Variants in MCF2L observed in about 807,000 individuals in gnomAD.
The protein encoded by MCF2L is guanine nucleotide exchange factor DBS.
In MCF2L, 97 loss-of-function variants were observed where a neutral mutation model predicts 153.4. That is an observed-to-expected ratio of 0.63 (90% CI 0.54 to 0.75). The LOEUF (loss-of-function observed/expected upper bound fraction) is 0.75. Among genes scored for constraint, MCF2L ranks in the 30% least tolerant of loss-of-function variants. MCF2L has a pLI of 0.00. For missense variants in MCF2L, 1,347 were observed against 1,495.2 expected, an observed-to-expected ratio of 0.90 and a Z score of 1.64; for synonymous variants, 659 against 632.2, an observed-to-expected ratio of 1.04 and a Z score of -0.64.
rs2033273891 is a variant in MCF2L, at chr13:113,074,699, G to C, written c.1116+136G>C. The C allele has an allele frequency of 7.5e-7, 1 of 1,339,610 alleles. No individual in the cohort carries two copies. Among genetic ancestry groups the C allele is most frequent in the East Asian group, 2.5e-5 (1 of 39,814 alleles). 83.0% of individuals were successfully genotyped at this position (1,339,610 alleles called of 1,614,324 possible). A position where few individuals can be genotyped will look rare whatever the true frequency, so the allele number is the denominator to read the frequency against. On this transcript the variant is annotated intron_variant, in intron 10 of 29. Transcript: ENST00000535094. This position sits in a 1 kb window ranked among gnomAD's most constrained non-coding sequence, Gnocchi z 4.2. ...CCCCCCGGGGATGTCCATGGGGTGG[G>C]GGGTGCTGCTGCCTGTACCCCTCCC...
chr13:113,097,102 G>T lies in MCF2L; in HGVS notation c.*243G>T. ...GGGCCGCAGGGAACAGCCCCGGGCGGCAGGCGCCGGGCAGCGGCATCTCGT... is the reference window on the plus strand; with the variant it reads ...GGGCCGCAGGGAACAGCCCCGGGCGTCAGGCGCCGGGCAGCGGCATCTCGT... On this transcript the variant is annotated 3_prime_UTR_variant, in exon 30 of 30. Coordinates refer to ENST00000535094, the MANE Select transcript of MCF2L (RefSeq NM_001112732.3). 5.8e-6 allele frequency: 2 copies of T among 344,428 alleles called. No individual in the cohort carries two copies. The highest frequency in any genetic ancestry group is 1.0e-5 in the Non-Finnish European group (2 of 191,724). 21.3% of individuals were successfully genotyped at this position (344,428 alleles called of 1,614,324 possible).
chr13:113,090,855 C>T, intron 26 of MCF2L: 1 of 1,149,846 alleles, frequency 8.7e-7, no homozygotes, highest in Non-Finnish European at 1.1e-6. Context: ...TAGCGCAGAA[C>T]TAAGAAAACG....
At chr13:113,034,870 G>A (rs2086050801) in intron 3 of MCF2L, among the ~76,000 whole-genome samples, 1 of 146,706 alleles carries the variant, frequency 6.8e-6, no homozygotes, top group Non-Finnish European at 1.5e-5. Flanking sequence ...GATCGGAGGT[G>A]AGGAAGGTCT....
chr13:112,912,244 G>T (rs993156428), intron 2 of MCF2L, among the ~76,000 whole-genome samples: 1 of 152,200 alleles, frequency 6.6e-6, no homozygotes, highest in African/African-American at 2.4e-5. Flanking sequence ...CATCTCAGGA[G>T]TGGGTAATGT....
At chr13:113,057,610 AGTGCTGTGTGTTTGG>A (rs2030343117) in intron 4 of MCF2L, among the ~76,000 whole-genome samples, 1 of 66,024 alleles carries the variant, frequency 1.5e-5, no homozygotes. Context: ...TGTGTGTTTG[AGTGCTGTGTGTTTGG>A]GTGCTGAGTG....
In MCF2L at chr13:112,969,760, C is replaced by A. The variant is rs556385547; in HGVS notation, c.79+302C>A. 3.9e-5 allele frequency among the ~76,000 whole-genome samples: 6 copies of A among 152,152 alleles called. No individual in the cohort carries two copies. Among genetic ancestry groups the A allele is most frequent in the Non-Finnish European group, 7.3e-5 (5 of 68,034 alleles). On this transcript the variant is annotated intron_variant, in intron 1 of 29. Transcript: ENST00000535094. This position sits in a 1 kb window ranked among gnomAD's most constrained non-coding sequence, Gnocchi z 4.8. ...TGCCCATCAACCTGCCTGTCCGCAG[C>A]CCTCGCAATGGAGAATGCATTGCGA...
Position 113,077,222 on chromosome 13 carries a change from C to T in MCF2L, c.1660+11C>T, listed in dbSNP as rs749394190. On this transcript the variant is annotated intron_variant, in intron 13 of 29. Coordinates refer to ENST00000535094, the MANE Select transcript of MCF2L (RefSeq NM_001112732.3). The stretch of plus-strand genomic sequence containing the variant: ...CCTGCCCCTCCCCAGGTCTGTGTGG[C>T]CGCCCGGTGCCCCGGGTGCTGTGGG... The T allele has an allele frequency of 7.8e-6, 12 of 1,539,468 alleles. No homozygotes were observed. The highest frequency in any genetic ancestry group is 5.9e-5 in the Admixed American group (3 of 50,446).
intron 26 of MCF2L, among the ~76,000 whole-genome samples, chr13:113,091,540 C>G (rs1033771345): frequency 1.3e-5 from 2 of 151,646 alleles, no homozygotes; most frequent in Non-Finnish European, 2.9e-5. Context: ...CTATAGGGCA[C>G]CCTGTTCCCT....
In MCF2L at chr13:113,078,393, C is replaced by A; in HGVS notation, c.1691C>A (p.Ser564Tyr). The change falls in exon 14 of 30, where the codon TCC becomes TAC. Residue 564 changes from serine (S) to tyrosine (Y), a missense_variant. Physicochemically the swap from Ser to Tyr is moderately radical, Grantham distance 144. Coordinates refer to ENST00000535094, the MANE Select transcript of MCF2L (RefSeq NM_001112732.3). ...CGGCGAGGCTCTGAGAACTCCAGCT[C>A]CGAGGGCGGTGCGCTCCGGAGAGGG... The part of the protein sequence containing the change: ...GIRRGSENSS[S>Y]EGGALRRGPY... 1 of 1,613,314 alleles carries A rather than the reference C, an allele frequency of 6.2e-7. No individual in the cohort carries two copies. The highest frequency in any genetic ancestry group is 1.3e-5 in the African/African-American group (1 of 75,074).
At chr13:113,029,344 G>C (rs1164233404) in intron 3 of MCF2L, among the ~76,000 whole-genome samples, 1 of 152,204 alleles carries the variant, frequency 6.6e-6, no homozygotes, top group East Asian at 1.9e-4. Flanking sequence ...TCCTTCCAGA[G>C]AGAGTGAACA....
chr13:112,915,667 T>C (rs1411813385), intron 2 of MCF2L, among the ~76,000 whole-genome samples: 1 of 152,112 alleles, frequency 6.6e-6, no homozygotes, highest in African/African-American at 2.4e-5. Context: ...TGTTATCTAA[T>C]TACATGATTG....
At chr13:113,023,012 G>A (rs964598369) in intron 2 of MCF2L, among the ~76,000 whole-genome samples, 5 of 152,246 alleles carry the variant, frequency 3.3e-5, no homozygotes, top group Non-Finnish European at 5.9e-5. Flanking sequence ...GGGAGAGTTC[G>A]GAGGATAGAA....
rs1331517807 is a variant in MCF2L, at chr13:113,070,246, A to G, written c.996+73A>G. 4.8e-6 allele frequency: 5 copies of G among 1,050,618 alleles called. No homozygotes were observed. Among genetic ancestry groups the G allele is most frequent in the Admixed American group, 3.1e-5 (1 of 32,098 alleles). 65.1% of individuals were successfully genotyped at this position (1,050,618 alleles called of 1,614,324 possible). On this transcript the variant is annotated intron_variant, in intron 9 of 29. Transcript: ENST00000535094. The surrounding 1 kb of genome is among the most constrained non-coding windows in gnomAD (Gnocchi z 5.6). Reference sequence around the variant, plus strand: ...CCTCCTGTGCCTGCGCCCTGGTCCCAGTGCCGGGAGCTGAGCCGTGCCACC... The same window carrying G: ...CCTCCTGTGCCTGCGCCCTGGTCCCGGTGCCGGGAGCTGAGCCGTGCCACC...
At chr13:112,906,416 C>T (rs891892730) in intron 2 of MCF2L, among the ~76,000 whole-genome samples, 1 of 152,340 alleles carries the variant, frequency 6.6e-6, no homozygotes, top group African/African-American at 2.4e-5. Flanking sequence ...TGGCTTCTGG[C>T]GCTCACCCTC....
intron 2 of MCF2L, among the ~76,000 whole-genome samples, chr13:112,906,158 T>G (rs1299218108): frequency 6.6e-6 from 1 of 152,214 alleles, no homozygotes; most frequent in Non-Finnish European, 1.5e-5. Context: ...CCTTCAGGCT[T>G]CTTCATTTCA....
intron 26 of MCF2L, among the ~76,000 whole-genome samples, chr13:113,091,575 C>A (rs1453000251): frequency 6.6e-6 from 1 of 150,722 alleles, no homozygotes; most frequent in African/African-American, 2.4e-5. Context: ...CACAGTTTGC[C>A]CCGACACTTC....
At chr13:113,005,506 T>C (rs1594601069) in intron 1 of MCF2L, among the ~76,000 whole-genome samples, 1 of 151,756 alleles carries the variant, frequency 6.6e-6, no homozygotes. Context: ...CCATGGTTGG[T>C]TTGTGGTGGC....
chr13:113,090,915 C>T, intron 26 of MCF2L: 1 of 1,186,548 alleles, frequency 8.4e-7, no homozygotes, highest in Non-Finnish European at 1.1e-6. Context: ...GCAGCCCCCA[C>T]TCCCATGCCC....
At chr13:113,023,135 G>A (rs755934969) in intron 2 of MCF2L, among the ~76,000 whole-genome samples, 4 of 152,252 alleles carry the variant, frequency 2.6e-5, no homozygotes, top group Non-Finnish European at 5.9e-5. Context: ...GGCCGTCACG[G>A]TGTGTGGACG....
Sources: gnomAD v4.1 joint callset for allele counts (sites outside exome capture counted in the v4.1 genomes callset) on GRCh38, gnomAD v4.1.1 for gene constraint, Gnocchi (gnomAD v3.1) non-coding constraint, MANE v1.5 for transcripts, NCBI Gene and HGNC (gene_info 2026-07-23, HGNC 2026-07-21) for gene names.